PDZD2: variants seen among roughly 807,000 people sequenced by gnomAD.
PDZD2 encodes PDZ domain-containing protein 2.
Under a neutral mutation model 220.7 loss-of-function variants are expected in PDZD2, and 90 were observed. The observed-to-expected ratio is 0.41, with a 90% confidence interval of 0.34 to 0.49. The LOEUF (loss-of-function observed/expected upper bound fraction) is 0.49, where lower values mean the gene tolerates loss of function less well. Ranked by LOEUF, PDZD2 falls within the 20% of genes least tolerant of loss-of-function variation. PDZD2 has a pLI of 0.28. For missense variants in PDZD2, 3,174 were observed against 3,608.5 expected (o/e 0.88, Z 3.08); for synonymous variants, 1,375 against 1,450.5 (o/e 0.95, Z 1.18).
chr5:31,828,650 T>G (rs761913978), intron 2 of PDZD2, among the ~76,000 whole-genome samples: 4 of 152,200 alleles, frequency 2.6e-5, no homozygotes, highest in African/African-American at 4.8e-5. Context: ...CATACGCCAC[T>G]ACACCTGGCT....
intron 14 of PDZD2, among the ~76,000 whole-genome samples, chr5:32,061,814 C>T (rs1405825926): frequency 2.0e-5 from 3 of 152,014 alleles, no homozygotes; most frequent in Non-Finnish European, 4.4e-5. Context: ...ATAAATTGTT[C>T]ATAATAGTTG....
At chr5:31,837,882 C>A (rs955987096) in intron 2 of PDZD2, among the ~76,000 whole-genome samples, 4 of 151,944 alleles carry the variant, frequency 2.6e-5, no homozygotes, top group African/African-American at 9.7e-5. Context: ...CACAGTGAGA[C>A]CTTGTCTCAA....
chr5:32,036,267 T>C (rs368804724), intron 6 of PDZD2, among the ~76,000 whole-genome samples: 2 of 152,246 alleles, frequency 1.3e-5, no homozygotes, highest in Non-Finnish European at 2.9e-5. Flanking sequence ...CTTTCTTTAC[T>C]TGATACCTTA....
In PDZD2 at chr5:32,077,605, T is replaced by G; in HGVS notation, c.3681T>G (p.Thr1227=). The G allele has an allele frequency of 1.9e-6, 3 of 1,614,032 alleles. No homozygotes were observed. The highest frequency in any genetic ancestry group is 2.7e-5 in the African/African-American group (2 of 75,048). Residue 1227 remains threonine, a splice_region_variant and synonymous_variant, in exon 19 of 25, where the codon ACT becomes ACG. Transcript: ENST00000438447. The part of the protein sequence containing the change: ...AASELGQQPM[T]ELDSSSDLIS... ...CAGAGCTGGGGCAACAACCCATGAC[T>G]GGTAAGATTATTTTCCCATTTGTTA...
intron 1 of PDZD2, among the ~76,000 whole-genome samples, chr5:31,776,577 A>G (rs145789252): frequency 0.019 from 2,816 of 147,486 alleles, 106 homozygotes; most frequent in African/African-American, 0.068. Context: ...CATCCTCCCA[A>G]AGTGCTGAGA....
At chr5:32,051,904 A>G (rs1738591925) in intron 8 of PDZD2, among the ~76,000 whole-genome samples, 3 of 152,160 alleles carry the variant, frequency 2.0e-5, no homozygotes, top group Admixed American at 1.3e-4. Flanking sequence ...TAAAATGGCA[A>G]GATACTTTCT....
chr5:31,799,693 C>T lies in PDZD2; in HGVS notation c.445C>T (p.Leu149=). 1 of 1,613,720 alleles carries T rather than the reference C, an allele frequency of 6.2e-7. No individual in the cohort carries two copies. The highest frequency in any genetic ancestry group is 8.5e-7 in the Non-Finnish European group (1 of 1,179,772). ...RDEILSLNGQ[L]MVGVDVSGAS... ...TGAGATCCTCTCACTGAATGGGCAGCTGATGGTTGGAGTTGATGTCAGTGG... is the reference window on the plus strand; with the variant it reads ...TGAGATCCTCTCACTGAATGGGCAGTTGATGGTTGGAGTTGATGTCAGTGG... Residue 149 remains leucine, a synonymous_variant, in exon 2 of 25, where the codon CTG becomes TTG. Coordinates refer to ENST00000438447, the MANE Select transcript of PDZD2 (RefSeq NM_178140.4).
chr5:31,959,299 A>G (rs890373694), intron 2 of PDZD2, among the ~76,000 whole-genome samples: 7 of 150,538 alleles, frequency 4.6e-5, no homozygotes, highest in African/African-American at 7.3e-5. Flanking sequence ...ACTTTGTTAT[A>G]TAATCATGCA....
intron 2 of PDZD2, among the ~76,000 whole-genome samples, chr5:31,973,708 C>T (rs908904458): frequency 6.6e-6 from 1 of 152,154 alleles, no homozygotes; most frequent in African/African-American, 2.4e-5. Context: ...ATAATTCTAC[C>T]TCTGTTCTCT....
At chr5:31,851,160 T>C (rs916621421) in intron 2 of PDZD2, among the ~76,000 whole-genome samples, 1 of 152,206 alleles carries the variant, frequency 6.6e-6, no homozygotes. Flanking sequence ...AGGTTCTCCT[T>C]TGGAACCTTT....
chr5:32,056,812 G>A (rs1352349318), intron 10 of PDZD2, among the ~76,000 whole-genome samples: 5 of 152,218 alleles, frequency 3.3e-5, no homozygotes, highest in African/African-American at 1.2e-4. Flanking sequence ...TTTTTGGGCC[G>A]GGAGCAGTAG....
intron 2 of PDZD2, among the ~76,000 whole-genome samples, chr5:31,834,842 C>A (rs1756851818): frequency 1.3e-5 from 2 of 151,504 alleles, no homozygotes; most frequent in African/African-American, 2.4e-5. Context: ...ATGTAACAAA[C>A]CTGCATGTTG....
intron 2 of PDZD2, among the ~76,000 whole-genome samples, chr5:31,851,231 C>A (rs140048252): frequency 6.6e-6 from 1 of 152,156 alleles, no homozygotes; most frequent in Admixed American, 6.5e-5. Flanking sequence ...CCCCACCCCC[C>A]ACAACCCACC....
At chr5:31,907,550 C>T (rs1034897212) in intron 2 of PDZD2, among the ~76,000 whole-genome samples, 1 of 152,180 alleles carries the variant, frequency 6.6e-6, no homozygotes, top group Non-Finnish European at 1.5e-5. Flanking sequence ...GCCTTTCCTT[C>T]AAGAGACCCA....
At chr5:31,716,764 C>G (rs1411676327) in intron 1 of PDZD2, among the ~76,000 whole-genome samples, 2 of 152,192 alleles carry the variant, frequency 1.3e-5, no homozygotes, top group African/African-American at 4.8e-5. Context: ...GATTGTGCCA[C>G]TGCACTCCAG....
At chr5:32,033,897 G>C (rs936679718) in intron 6 of PDZD2, among the ~76,000 whole-genome samples, 6 of 152,118 alleles carry the variant, frequency 3.9e-5, no homozygotes, top group Non-Finnish European at 5.9e-5. Context: ...GGGATTACAG[G>C]TGTGAACCAC....
At chr5:31,747,101 G>A (rs1750648408) in intron 1 of PDZD2, among the ~76,000 whole-genome samples, 1 of 152,192 alleles carries the variant, frequency 6.6e-6, no homozygotes, top group Admixed American at 6.5e-5. Context: ...TTTGAACCTG[G>A]GAGGCAGAGG....
rs776690147 is a variant in PDZD2, at chr5:32,089,702, A to G, written c.6254A>G (p.Glu2085Gly). 9 of 1,614,094 alleles carry G rather than the reference A, an allele frequency of 5.6e-6. No homozygotes were observed. In the African/African-American group the frequency reaches 1.2e-4, roughly 22 times the overall value. ...GGNIMASDRL[E>G]RTNQLKIVEI... is the part of the protein sequence containing the mutation. ...AACATAATGGCCAGCGATCGCCTCG[A>G]AAGAACAAACCAGCTGAAAATCGTG... is the stretch of plus-strand genomic sequence containing the variant. The change falls in exon 20 of 25, where the codon GAA becomes GGA. Residue 2085 changes from glutamate (E) to glycine (G), a missense_variant. This residue lies in a region of PDZD2 where 1,861 missense variants were observed against 2,001.0 expected (regional missense o/e 0.93). Transcript: ENST00000438447.
intron 1 of PDZD2, among the ~76,000 whole-genome samples, chr5:31,724,471 G>A (rs978160959): frequency 2.0e-5 from 3 of 151,886 alleles, no homozygotes; most frequent in African/African-American, 4.8e-5. Context: ...CCATGGTGGC[G>A]CATACCTGTA....
Sources: allele counts gnomAD v4.1 joint callset (sites outside exome capture counted in the v4.1 genomes callset), GRCh38; gene constraint gnomAD v4.1.1; regional missense constraint gnomAD v4.1.1; transcripts MANE v1.5; gene names NCBI Gene and HGNC (gene_info 2026-07-23, HGNC 2026-07-21).